Variants in RGS12 observed in about 807,000 individuals in gnomAD.
The protein encoded by RGS12 is regulator of G protein signaling 12.
Under a neutral mutation model 120.1 loss-of-function variants are expected in RGS12, and 66 were observed. The observed-to-expected ratio is 0.55, with a 90% CI of 0.45 to 0.67. The LOEUF is 0.67. Among genes scored for constraint, RGS12 ranks in the 30% least tolerant of loss-of-function variants. The pLI is 0.00. For synonymous variants in RGS12, 827 were observed against 804.7 expected, an observed-to-expected ratio of 1.03 and a Z score of -0.47; for missense variants, 1,859 against 1,957.7, an observed-to-expected ratio of 0.95 and a Z score of 0.95.
chr4:3,318,423 G>A (rs1172050922), intron 2 of RGS12, among the ~76,000 whole-genome samples: 1 of 152,162 alleles, frequency 6.6e-6, no homozygotes, highest in East Asian at 1.9e-4. Context: ...GCCCATTTTA[G>A]GTCTGACCCC....
chr4:3,412,688 G>A (rs1434305818), intron 4 of RGS12, among the ~76,000 whole-genome samples: 3 of 152,234 alleles, frequency 2.0e-5, no homozygotes, highest in African/African-American at 7.2e-5. Context: ...TCAGTCAGCT[G>A]CATTCCATAA....
intron 17 of RGS12, chr4:3,431,395 GC>G: frequency 2.0e-6 from 2 of 1,010,310 alleles, no homozygotes; most frequent in Non-Finnish European, 2.4e-6. Context: ...TGTGTTCATA[GC>G]AGGAGAGGGC....
intron 1 of RGS12, among the ~76,000 whole-genome samples, chr4:3,297,638 C>G (rs1045997994): frequency 2.0e-5 from 3 of 152,232 alleles, no homozygotes; most frequent in Non-Finnish European, 4.4e-5. Flanking sequence ...TTAGCATCTT[C>G]TAGTCACCCA....
intron 3 of RGS12, among the ~76,000 whole-genome samples, chr4:3,347,660 A>T (rs1353072274): frequency 1.3e-5 from 2 of 152,220 alleles, no homozygotes; most frequent in African/African-American, 4.8e-5. Context: ...TGTCGATCTT[A>T]AAGTTATTAG....
chr4:3,292,752 G>A (rs2110339032), upstream of RGS12, among the ~76,000 whole-genome samples: 1 of 152,308 alleles, frequency 6.6e-6, no homozygotes. Flanking sequence ...CACACCGTGC[G>A]CACCAGCGCC....
chr4:3,391,329 C>T (rs1299942483), intron 4 of RGS12, among the ~76,000 whole-genome samples: 2 of 152,218 alleles, frequency 1.3e-5, no homozygotes, highest in African/African-American at 2.4e-5. Flanking sequence ...TGTTTCTTTC[C>T]AATTCTACAA....
intron 3 of RGS12, among the ~76,000 whole-genome samples, chr4:3,384,502 C>G (rs986480391): frequency 6.6e-6 from 1 of 152,142 alleles, no homozygotes; most frequent in African/African-American, 2.4e-5. Context: ...TGATTTATTG[C>G]GGGCATGGAA....
intron 2 of RGS12, among the ~76,000 whole-genome samples, chr4:3,337,596 A>G (rs1374345132): frequency 2.0e-5 from 3 of 152,218 alleles, no homozygotes; most frequent in Non-Finnish European, 4.4e-5. Flanking sequence ...AAAATCAGCC[A>G]GTCACAGAAG....
intron 2 of RGS12, among the ~76,000 whole-genome samples, chr4:3,328,001 G>A (rs993741968): frequency 4.6e-5 from 7 of 152,188 alleles, no homozygotes; most frequent in South Asian, 2.1e-4. Flanking sequence ...AGTGTCCATC[G>A]GTGGATGAAT....
At chr4:3,399,283 T>C (rs1322855398) in intron 4 of RGS12, among the ~76,000 whole-genome samples, 2 of 151,928 alleles carry the variant, frequency 1.3e-5, no homozygotes, top group Non-Finnish European at 2.9e-5. Context: ...ATTATCAAAA[T>C]AGAAAAAACC....
upstream of RGS12, among the ~76,000 whole-genome samples, chr4:3,292,808 T>A (rs999061345): frequency 6.6e-6 from 1 of 151,782 alleles, no homozygotes; most frequent in Non-Finnish European, 1.5e-5. Context: ...GGAGGCCCCG[T>A]CCCTCGCTTC....
At chr4:3,289,220 T>C (rs1314684077), upstream of RGS12, among the ~76,000 whole-genome samples, 2 of 152,202 alleles carry the variant, frequency 1.3e-5, no homozygotes, top group Non-Finnish European at 2.9e-5. Flanking sequence ...TTTTTTTTTT[T>C]GGAGACAGGA....
rs746329610 is a variant in RGS12, at chr4:3,316,407, T to C, written c.237T>C (p.Asp79=). Residue 79 remains aspartate, a synonymous_variant, in exon 2 of 18, where the codon GAT becomes GAC. Transcript: ENST00000336727. ...EINVKKASHE[D]VVKLIGKCSG... is the part of the protein sequence containing the mutation. ...ACGTGAAAAAAGCATCTCATGAAGA[T>C]GTAGTGAAATTAATTGGGAAGTGCT... 1 of 1,613,946 alleles carries C rather than the reference T, an allele frequency of 6.2e-7. No individual in the cohort carries two copies. The highest frequency in any genetic ancestry group is 1.3e-5 in the African/African-American group (1 of 74,920).
intron 3 of RGS12, among the ~76,000 whole-genome samples, chr4:3,377,774 G>A (rs2108925965): frequency 6.6e-6 from 1 of 152,338 alleles, no homozygotes; most frequent in East Asian, 1.9e-4. Context: ...CTTGTCAGCT[G>A]AGCTGCCGCG....
At chr4:3,373,103 C>T (rs898882181) in intron 3 of RGS12, among the ~76,000 whole-genome samples, 2 of 152,102 alleles carry the variant, frequency 1.3e-5, no homozygotes, top group East Asian at 1.9e-4. Context: ...GGGCAGGACC[C>T]GTGTTGGAGC....
At chr4:3,416,331 C>T (rs555894244) in intron 7 of RGS12, among the ~76,000 whole-genome samples, 2 of 152,304 alleles carry the variant, frequency 1.3e-5, no homozygotes, top group East Asian at 3.9e-4. Context: ...TGAAATAAGT[C>T]CCGAACCACT....
rs769141753 is a variant in RGS12 at position 3,430,680 on chromosome 4, G to A, written c.3839G>A (p.Ser1280Asn). ...TCCACCAGCCCGGGCTCAGCCTCCA[G>A]CCCCCCTGGACCTCCTGGGACGACC... ...SPSTSPGSAS[S>N]PPGPPGTTPP... is the part of the protein sequence containing the mutation. Residue 1280 changes from serine (S) to asparagine (N), a missense_variant, in exon 17 of 18, where the codon AGC (serine) becomes AAC (asparagine). Physicochemically the swap from Ser to Asn is conservative, Grantham distance 46. Transcript: ENST00000336727. 1.3e-6 allele frequency: 2 copies of A among 1,581,860 alleles called. No individual in the cohort carries two copies. The highest frequency in any genetic ancestry group is 1.2e-5 in the South Asian group (1 of 86,552).
intron 2 of RGS12, among the ~76,000 whole-genome samples, chr4:3,325,189 G>T (rs765353949): frequency 6.6e-5 from 10 of 152,204 alleles, no homozygotes; most frequent in Non-Finnish European, 1.2e-4. Flanking sequence ...TAAAGGATAG[G>T]ATTCCTTGGT....
chr4:3,415,537 T>C (rs905650642), intron 6 of RGS12, among the ~76,000 whole-genome samples: 18 of 151,990 alleles, frequency 1.2e-4, no homozygotes, highest in African/African-American at 4.4e-4. Flanking sequence ...TCGTGGGAGG[T>C]GCAGGAGAAG....
Sources: allele counts gnomAD v4.1 joint callset (sites outside exome capture counted in the v4.1 genomes callset), GRCh38; gene constraint gnomAD v4.1.1; transcripts MANE v1.5; gene names NCBI Gene and HGNC (gene_info 2026-07-23, HGNC 2026-07-21).